Variants in FAM78B observed in about 807,000 individuals in gnomAD.
The protein encoded by FAM78B is protein FAM78B.
In FAM78B, 10 loss-of-function variants were observed where a neutral mutation model predicts 20.0. That is an observed-to-expected ratio of 0.50 (90% confidence interval 0.31 to 0.85). FAM78B has a LOEUF of 0.85. Among genes scored for constraint, FAM78B ranks in the 40% least tolerant of loss-of-function variants. FAM78B has a pLI of 0.05. For missense variants in FAM78B, 283 were observed against 345.0 expected (o/e 0.82, Z 1.42); for synonymous variants, 135 against 132.8 (o/e 1.02, Z -0.12).
rs1655971438 is a variant in FAM78B, at chr1:166,157,878, C to G, written c.263+8108G>C. 2.0e-5 allele frequency among the ~76,000 whole-genome samples: 3 copies of G among 152,168 alleles called. No individual in the cohort carries two copies. In the South Asian group the frequency reaches 6.2e-4, roughly 31 times the overall value. On this transcript the variant is annotated intron_variant, in intron 1 of 1. Coordinates refer to ENST00000354422, the MANE Select transcript of FAM78B (RefSeq NM_001017961.5). ...AGCCCGAGAACTGAGGATGTCGTCC[C>G]CCTGCTCCCAAGGAATGTGCTCCTC...
Position 166,166,258 on chromosome 1 carries a change from C to G in FAM78B, c.-10G>C, listed in dbSNP as rs1311386576. The stretch of plus-strand genomic sequence containing the variant: ...TTTGGATACAGCCCATCCTGCAGCC[C>G]GGTGCCGGCACGGCGCGGCGTGGGG... On this transcript the variant is annotated 5_prime_UTR_variant, in exon 1 of 2. Transcript: ENST00000354422. 7.2e-7 allele frequency: 1 copy of G among 1,394,806 alleles called. No homozygotes were observed. The highest frequency in any genetic ancestry group is 1.5e-5 in the African/African-American group (1 of 67,508). 86.4% of individuals were successfully genotyped at this position (1,394,806 alleles called of 1,614,324 possible). A position where few individuals can be genotyped will look rare whatever the true frequency, so the allele number is the denominator to read the frequency against.
At chr1:166,161,465 A>G (rs1355500095) in intron 1 of FAM78B, among the ~76,000 whole-genome samples, 1 of 152,246 alleles carries the variant, frequency 6.6e-6, no homozygotes, top group Non-Finnish European at 1.5e-5. Flanking sequence ...AAAAGGTTTA[A>G]GCAAGAAACT....
In FAM78B at chr1:166,070,161, G is replaced by A. The variant is rs1348155017; in HGVS notation, c.*80C>T. 1 of 1,437,438 alleles carries A rather than the reference G, an allele frequency of 7.0e-7. No homozygotes were observed. Among genetic ancestry groups the A allele is most frequent in the African/African-American group, 1.4e-5 (1 of 70,796 alleles). 89.0% of individuals were successfully genotyped at this position (1,437,438 alleles called of 1,614,324 possible). ...AGGTCTGCTTTGGCTCAGAAACTCT[G>A]TTTGGCTCCTGCCACCCCTGGCACC... is the stretch of plus-strand genomic sequence containing the variant. On this transcript the variant is annotated 3_prime_UTR_variant, in exon 2 of 2. Transcript: ENST00000354422.
At chr1:166,060,787 C>A (rs900225193) in intron 2 of FAM78B, 1 of 479,108 alleles carries the variant, frequency 2.1e-6, no homozygotes, top group Non-Finnish European at 3.2e-6. Flanking sequence ...GGGGAGATGA[C>A]CCTGAAATTT....
chr1:166,125,951 C>A (rs1483647103), intron 1 of FAM78B, among the ~76,000 whole-genome samples: 3 of 151,260 alleles, frequency 2.0e-5, no homozygotes, highest in Non-Finnish European at 4.4e-5. Context: ...CCTGCCTCAT[C>A]CTCCCAAGTA....
intron 1 of FAM78B, among the ~76,000 whole-genome samples, chr1:166,076,452 CA>C (rs1364639419): frequency 6.6e-6 from 1 of 152,122 alleles, no homozygotes; most frequent in East Asian, 1.9e-4. Flanking sequence ...ATTCTTGGCC[CA>C]AATACCACGT....
intron 1 of FAM78B, among the ~76,000 whole-genome samples, chr1:166,096,476 T>C (rs1040971408): frequency 2.0e-5 from 3 of 152,100 alleles, no homozygotes; most frequent in African/African-American, 4.8e-5. Flanking sequence ...CTCTCGATGG[T>C]TGGTCAGTGG....
intron 2 of FAM78B, among the ~76,000 whole-genome samples, chr1:166,061,877 G>A (rs998501015): frequency 1.3e-5 from 2 of 152,216 alleles, no homozygotes; most frequent in African/African-American, 4.8e-5. Flanking sequence ...CAGAGGCCTT[G>A]AGACACCCTG....
rs1440012636 is a variant in FAM78B at position 166,105,310 on chromosome 1, C to T, written c.264-34547G>A. On this transcript the variant is annotated intron_variant, in intron 1 of 1. Coordinates refer to ENST00000354422, the MANE Select transcript of FAM78B (RefSeq NM_001017961.5). The stretch of plus-strand genomic sequence containing the variant: ...ATAGGCATGGGCAAGGACTTCATGT[C>T]TAAAACACCAAAAGCAATGGCAACA... 2.0e-5 allele frequency among the ~76,000 whole-genome samples: 3 copies of T among 152,164 alleles called. No individual in the cohort carries two copies. In the East Asian group the frequency reaches 5.8e-4, roughly 29 times the overall value.
chr1:166,116,822 T>C (rs1188473352), intron 1 of FAM78B, among the ~76,000 whole-genome samples: 3 of 152,178 alleles, frequency 2.0e-5, no homozygotes, highest in Non-Finnish European at 4.4e-5. Context: ...TGAGCATCCC[T>C]TTGGCCTCAA....
At chr1:166,088,956 C>T (rs747998141) in intron 1 of FAM78B, among the ~76,000 whole-genome samples, 1 of 152,220 alleles carries the variant, frequency 6.6e-6, no homozygotes, top group Non-Finnish European at 1.5e-5. Context: ...CACACTCCCC[C>T]ATGCTCTCAG....
chr1:166,084,373 G>A (rs1652721943), intron 1 of FAM78B, among the ~76,000 whole-genome samples: 1 of 152,010 alleles, frequency 6.6e-6, no homozygotes, highest in Non-Finnish European at 1.5e-5. Flanking sequence ...TGACTTTTGG[G>A]CTCCAAAGTG....
At chr1:166,057,509 G>C (rs577908663) in exon 3 of FAM78B, 1 of 152,172 alleles carries the variant, frequency 6.6e-6, no homozygotes, top group Non-Finnish European at 1.5e-5. Context: ...TTGAGTTTAT[G>C]TAACATCTGA....
intron 1 of FAM78B, among the ~76,000 whole-genome samples, chr1:166,127,863 T>C: frequency 6.6e-6 from 1 of 152,192 alleles, no homozygotes; most frequent in Non-Finnish European, 1.5e-5. Flanking sequence ...ACACCTCACC[T>C]GCAATAGCCC....
intron 1 of FAM78B, among the ~76,000 whole-genome samples, chr1:166,116,587 T>C (rs1654267361): frequency 6.6e-6 from 1 of 152,184 alleles, no homozygotes; most frequent in Admixed American, 6.5e-5. Flanking sequence ...TGCAGCATGA[T>C]CCACCTGCCC....
chr1:166,145,375 C>T (rs12132376), intron 1 of FAM78B, among the ~76,000 whole-genome samples: 130,299 of 152,244 alleles, frequency 0.86, 56,283 homozygotes, highest in East Asian at 0.93. Flanking sequence ...CTGAAGCCTA[C>T]GTTCCCAGGG....
chr1:166,166,105 G>A lies in FAM78B; in HGVS notation c.144C>T (p.Tyr48=). 9.3e-6 allele frequency: 15 copies of A among 1,613,194 alleles called. No individual in the cohort carries two copies. The highest frequency in any genetic ancestry group is 1.3e-5 in the Non-Finnish European group (15 of 1,179,582). ...SPIVLRYKTP[Y]FKASARVVMP... ...TGACCACGCGGGCGGAGGCTTTGAAGTAGGGGGTCTTGTAGCGCAGGACGA... is the reference window on the plus strand; with the variant it reads ...TGACCACGCGGGCGGAGGCTTTGAAATAGGGGGTCTTGTAGCGCAGGACGA... The change falls in exon 1 of 2, where the codon TAC becomes TAT. Residue 48 remains tyrosine (Y), a synonymous_variant. Transcript: ENST00000354422.
chr1:166,146,155 G>A (rs1655444404), intron 1 of FAM78B, among the ~76,000 whole-genome samples: 1 of 152,162 alleles, frequency 6.6e-6, no homozygotes, highest in South Asian at 2.1e-4. Context: ...TCTTCCCTGA[G>A]GACAATTCAG....
At chr1:166,056,836 T>G (rs1320194203), downstream of FAM78B, among the ~76,000 whole-genome samples, 1 of 152,198 alleles carries the variant, frequency 6.6e-6, no homozygotes, top group East Asian at 1.9e-4. Context: ...TATGTTCCAA[T>G]ATTTGTATCC....
Sources: gnomAD v4.1 joint callset for allele counts (sites outside exome capture counted in the v4.1 genomes callset) on GRCh38, gnomAD v4.1.1 for gene constraint, MANE v1.5 for transcripts, NCBI Gene and HGNC (gene_info 2026-07-23, HGNC 2026-07-21) for gene names.